The following OCA2 variants were observed in gnomAD, a reference collection of about 807,000 sequenced individuals.
OCA2 encodes P protein.
Under a neutral mutation model 100.2 loss-of-function variants are expected in OCA2, and 77 were observed. The ratio of observed to expected loss-of-function variants is 0.77; its 90% CI spans 0.64 to 0.93. The LOEUF (loss-of-function observed/expected upper bound fraction) is 0.93, where lower values mean the gene tolerates loss of function less well. OCA2 is among the 40% of genes least tolerant of loss of function. OCA2 has a pLI of 0.00. For synonymous variants in OCA2, 432 were observed against 439.2 expected (o/e 0.98, Z 0.21); for missense variants, 1,062 against 1,089.1 (o/e 0.98, Z 0.35).
chr15:27,728,903 C>T, the OCA2 span, among the ~76,000 whole-genome samples: 6 of 151,934 alleles, frequency 3.9e-5, no homozygotes, highest in Non-Finnish European at 8.8e-5. Context: ...TCGTTTACAA[C>T]CTGGAAGGAC....
chr15:27,944,872 C>T (rs2039777690), intron 18 of OCA2, among the ~76,000 whole-genome samples: 1 of 152,182 alleles, frequency 6.6e-6, no homozygotes, highest in African/African-American at 2.4e-5. Flanking sequence ...ACTGCAACAA[C>T]TCTGCCTCCA....
chr15:28,002,257 C>T (rs1250113880), intron 9 of OCA2, among the ~76,000 whole-genome samples: 5 of 152,114 alleles, frequency 3.3e-5, no homozygotes, highest in Admixed American at 2.0e-4. Context: ...ATCTTTGGAA[C>T]GTAGAGGCTT....
At chr15:28,039,899 G>C (rs2043152480) in intron 2 of OCA2, among the ~76,000 whole-genome samples, 1 of 152,042 alleles carries the variant, frequency 6.6e-6, no homozygotes, top group Non-Finnish European at 1.5e-5. Context: ...GGGTGTGGTC[G>C]CACGCACCTA....
At chr15:27,978,001 C>T (rs1286816587) in intron 14 of OCA2, among the ~76,000 whole-genome samples, 1 of 152,186 alleles carries the variant, frequency 6.6e-6, no homozygotes, top group Admixed American at 6.5e-5. Flanking sequence ...TATCGCATTC[C>T]AAGCTGATGA....
chr15:27,934,607 C>G (rs1011113926), intron 18 of OCA2, among the ~76,000 whole-genome samples: 1 of 152,196 alleles, frequency 6.6e-6, no homozygotes, highest in African/African-American at 2.4e-5. Context: ...CTCTAAAAGT[C>G]AGTAAGAACA....
Position 28,091,730 on chromosome 15 carries a change from A to C in OCA2, c.-22+7494T>G, listed in dbSNP as rs1320275223. On this transcript the variant is annotated intron_variant, in intron 1 of 23. Transcript: ENST00000354638. ...CAGCACTTTGGGAGGCTGAGGCAGG[A>C]GGATCACTTGAGGTCAGGAGTTTGA... Among the ~76,000 whole-genome samples the C allele has an allele frequency of 2.6e-5, 4 of 152,268 alleles. No individual in the cohort carries two copies. In the East Asian group the frequency reaches 7.7e-4, roughly 29 times the overall value.
chr15:27,797,843 C>T (rs1043302069), intron 23 of OCA2, among the ~76,000 whole-genome samples: 7 of 152,138 alleles, frequency 4.6e-5, no homozygotes, highest in African/African-American at 1.7e-4. Flanking sequence ...TCCTGAAGGG[C>T]CTGGAGAAGC....
At chr15:27,959,680 G>A (rs2040347649) in intron 15 of OCA2, among the ~76,000 whole-genome samples, 1 of 152,150 alleles carries the variant, frequency 6.6e-6, no homozygotes, top group African/African-American at 2.4e-5. Context: ...GTTTGGAGAA[G>A]CAAAGCCTGG....
intron 23 of OCA2, among the ~76,000 whole-genome samples, chr15:27,831,979 C>T (rs1205831834): frequency 6.6e-6 from 1 of 151,752 alleles, no homozygotes; most frequent in Non-Finnish European, 1.5e-5. Context: ...CCCCCGTGCT[C>T]AGGCGCCTTC....
intron 21 of OCA2, among the ~76,000 whole-genome samples, chr15:27,855,343 G>A (rs986256243): frequency 2.6e-5 from 4 of 152,180 alleles, no homozygotes; most frequent in East Asian, 1.9e-4. Flanking sequence ...TGAGGCAAGC[G>A]CTCCCTCGCC....
intron 23 of OCA2, among the ~76,000 whole-genome samples, chr15:27,842,935 T>C (rs2035395290): frequency 1.3e-5 from 2 of 152,182 alleles, no homozygotes; most frequent in Admixed American, 1.3e-4. Context: ...CCTCAGGCAC[T>C]TTACATGTCC....
intron 14 of OCA2, among the ~76,000 whole-genome samples, chr15:27,967,427 T>C (rs1365301085): frequency 1.3e-5 from 2 of 152,214 alleles, no homozygotes; most frequent in Non-Finnish European, 2.9e-5. Flanking sequence ...CACATCTAAC[T>C]CAACCTTGGC....
chr15:28,018,193 C>T (rs956308696), intron 7 of OCA2, among the ~76,000 whole-genome samples: 7 of 151,660 alleles, frequency 4.6e-5, no homozygotes, highest in African/African-American at 1.7e-4. Flanking sequence ...CCTGATTTTA[C>T]TGAAATGGCA....
At chr15:27,984,559 T>G (rs1456414820) in intron 13 of OCA2, among the ~76,000 whole-genome samples, 1 of 151,884 alleles carries the variant, frequency 6.6e-6, no homozygotes, top group East Asian at 1.9e-4. Context: ...ATTTTTTGTT[T>G]GTTTGTTTGT....
chr15:27,832,303 C>T (rs568512617), intron 23 of OCA2, among the ~76,000 whole-genome samples: 1 of 152,304 alleles, frequency 6.6e-6, no homozygotes, highest in South Asian at 2.1e-4. Flanking sequence ...CGGGGCCACT[C>T]GGTCCTCCTC....
intron 3 of OCA2, 45 bp downstream of exon 3, chr15:28,032,020 A>G: frequency 6.9e-7 from 1 of 1,447,336 alleles, no homozygotes; most frequent in South Asian, 1.1e-5. Flanking sequence ...GCCAGGTGCA[A>G]TGCTCAGAAA....
chr15:27,943,753 T>C (rs1419465324), intron 18 of OCA2, among the ~76,000 whole-genome samples: 1 of 151,954 alleles, frequency 6.6e-6, no homozygotes, highest in African/African-American at 2.4e-5. Context: ...TCTGGGACTT[T>C]AGATAATAAC....
intron 2 of OCA2, among the ~76,000 whole-genome samples, chr15:28,068,140 TAG>T (rs1353399490): frequency 6.6e-6 from 1 of 152,222 alleles, no homozygotes; most frequent in Non-Finnish European, 1.5e-5. Context: ...GATGTAGGAA[TAG>T]AGTCTCCTGC....
In OCA2 at chr15:27,985,105, G is replaced by C; in HGVS notation, c.1323C>G (p.Asp441Glu). The part of the protein sequence containing the change: ...LIAAVLSAFL[D>E]NVTTMLLFTP... Reference sequence around the variant, plus strand: ...TGAAGAGGAGCATGGTGGTGACGTTGTCCAAGAAGGCAGAGAGGACGGCCG... The same window carrying C: ...TGAAGAGGAGCATGGTGGTGACGTTCTCCAAGAAGGCAGAGAGGACGGCCG... Residue 441 changes from aspartate to glutamate, a missense_variant, in exon 13 of 24, where the codon GAC becomes GAG. Asp to Glu is a conservative substitution (Grantham distance 45). Transcript: ENST00000354638. 6.2e-7 allele frequency: 1 copy of C among 1,614,018 alleles called. No individual in the cohort carries two copies. Among genetic ancestry groups the C allele is most frequent in the Non-Finnish European group, 8.5e-7 (1 of 1,179,962 alleles).
Sources: allele counts gnomAD v4.1 joint callset (sites outside exome capture counted in the v4.1 genomes callset), GRCh38; gene constraint gnomAD v4.1.1; transcripts MANE v1.5; gene names NCBI Gene and HGNC (gene_info 2026-07-23, HGNC 2026-07-21).